KAT6B: variants seen among roughly 807,000 people sequenced by gnomAD.
The protein encoded by KAT6B is lysine acetyltransferase 6B.
In KAT6B, 10 loss-of-function variants were observed where a neutral mutation model predicts 187.5. The observed-to-expected ratio is 0.05, with a 90% confidence interval of 0.03 to 0.09. KAT6B has a LOEUF of 0.09. Among genes scored for constraint, KAT6B ranks in the 10% least tolerant of loss-of-function variants. The pLI is 1.00. For missense variants in KAT6B, 1,952 were observed against 2,558.9 expected (o/e 0.76, Z 5.12); for synonymous variants, 861 against 926.8 (o/e 0.93, Z 1.29).
chr10:74,949,090 T>A (rs1219405097), intron 3 of KAT6B, among the ~76,000 whole-genome samples: 4 of 152,228 alleles, frequency 2.6e-5, no homozygotes, highest in Admixed American at 2.6e-4. Context: ...GACACTTGAA[T>A]GTAAGTTGAT....
intron 3 of KAT6B, among the ~76,000 whole-genome samples, chr10:74,953,389 A>C (rs1389377375): frequency 6.6e-6 from 1 of 152,214 alleles, no homozygotes; most frequent in African/African-American, 2.4e-5. Flanking sequence ...AGAACTTTGT[A>C]GTTTACAAAA....
Position 74,953,643 on chromosome 10 carries a change from A to G in KAT6B, c.622-6327A>G, listed in dbSNP as rs563610482. Among the ~76,000 whole-genome samples the G allele has an allele frequency of 1.6e-4, 24 of 152,318 alleles. No individual in the cohort carries two copies. The South Asian group carries it at 4.8e-3, about 30-fold the overall frequency. On this transcript the variant is annotated intron_variant, in intron 3 of 17. Transcript: ENST00000287239. ...GTCTCATGAAAGATGTAGATGACTT[A>G]AGAAGTATGGATCTATAGGGGATTA...
At chr10:74,949,380 C>T (rs1451973414) in intron 3 of KAT6B, among the ~76,000 whole-genome samples, 5 of 152,084 alleles carry the variant, frequency 3.3e-5, no homozygotes, top group Admixed American at 6.5e-5. Flanking sequence ...CCCAGCCCCG[C>T]GCCCCACCCC....
At chr10:74,927,690 A>G (rs781278238) in intron 3 of KAT6B, among the ~76,000 whole-genome samples, 1 of 151,906 alleles carries the variant, frequency 6.6e-6, no homozygotes, top group South Asian at 2.1e-4. Context: ...CTTGGAATGG[A>G]TGGTGTATTT....
intron 13 of KAT6B, among the ~76,000 whole-genome samples, chr10:74,995,992 C>T (rs764569284): frequency 2.0e-5 from 3 of 152,100 alleles, no homozygotes; most frequent in Non-Finnish European, 4.4e-5. Flanking sequence ...CAGGAGAGAC[C>T]GAGGGAACAC....
intron 3 of KAT6B, among the ~76,000 whole-genome samples, chr10:74,846,517 C>A (rs1191191257): frequency 6.6e-6 from 1 of 152,138 alleles, no homozygotes; most frequent in African/African-American, 2.4e-5. Context: ...TGGCTCACTG[C>A]AGCCTCTGCC....
chr10:74,867,169 TG>T (rs1843611982), intron 3 of KAT6B, among the ~76,000 whole-genome samples: 6 of 152,178 alleles, frequency 3.9e-5, no homozygotes, highest in Admixed American at 3.3e-4. Flanking sequence ...AAATTATTAT[TG>T]GGGTATACTT....
chr10:74,886,305 C>T (rs1426915444), intron 3 of KAT6B, among the ~76,000 whole-genome samples: 2 of 152,168 alleles, frequency 1.3e-5, no homozygotes, highest in African/African-American at 4.8e-5. Context: ...GAGCAGGCCT[C>T]TCAGGCCATC....
chr10:74,960,174 G>A (rs1840999528), intron 4 of KAT6B, 96 bp downstream of exon 4: 4 of 868,674 alleles, frequency 4.6e-6, no homozygotes, highest in East Asian at 2.4e-5. Context: ...GTTATTTAAG[G>A]CAGTTATATG....
intron 16 of KAT6B, among the ~76,000 whole-genome samples, chr10:75,022,602 T>C (rs555751937): frequency 6.6e-6 from 1 of 152,206 alleles, no homozygotes; most frequent in South Asian, 2.1e-4. Context: ...ATATGACTCA[T>C]TAGAGATGGA....
At position 74,994,861 on chromosome 10, in the gene KAT6B, C is replaced by T. The variant is rs1183862123; in HGVS notation, c.2629+5749C>T. Among the ~76,000 whole-genome samples, 5 of 151,686 alleles carry T rather than the reference C, an allele frequency of 3.3e-5. No individual in the cohort carries two copies. In the East Asian group the frequency reaches 7.7e-4, roughly 23 times the overall value. On this transcript the variant is annotated intron_variant, in intron 13 of 17. Transcript: ENST00000287239. The stretch of plus-strand genomic sequence containing the variant: ...TCTGATCACTTAAATGTGCCCATTG[C>T]TGCTTGGGTGTCACTGCTTCTAGCC...
intron 1 of KAT6B, among the ~76,000 whole-genome samples, chr10:74,830,890 C>T (rs190032513): frequency 0.01 from 1,460 of 141,718 alleles, 34 homozygotes; most frequent in African/African-American, 0.035. Context: ...TGGGTTCAAG[C>T]GATTCTCCTG....
chr10:74,943,487 T>G (rs561014383), intron 3 of KAT6B, among the ~76,000 whole-genome samples: 34 of 152,234 alleles, frequency 2.2e-4, no homozygotes, highest in South Asian at 6.2e-4. Flanking sequence ...TGACAAAGGA[T>G]TTGAAATAGT....
intron 13 of KAT6B, among the ~76,000 whole-genome samples, chr10:74,994,025 A>G (rs771749361): frequency 4.6e-5 from 7 of 152,170 alleles, no homozygotes; most frequent in South Asian, 2.1e-4. Context: ...GATTATATAA[A>G]TATCAATTCT....
chr10:74,854,402 A>G (rs770549221), intron 3 of KAT6B, among the ~76,000 whole-genome samples: 1 of 152,122 alleles, frequency 6.6e-6, no homozygotes, highest in Non-Finnish European at 1.5e-5. Flanking sequence ...TGCAAACTAC[A>G]TATTCTTTTT....
intron 3 of KAT6B, among the ~76,000 whole-genome samples, chr10:74,916,716 G>A (rs899745843): frequency 6.6e-6 from 1 of 152,122 alleles, no homozygotes; most frequent in Non-Finnish European, 1.5e-5. Context: ...TTCATTCTTG[G>A]TTAAAAAAAT....
In KAT6B at chr10:74,966,028, T is replaced by C. The variant is rs139176239; in HGVS notation, c.731-3632T>C. Among the ~76,000 whole-genome samples, 826 of 152,138 alleles carry C rather than the reference T, an allele frequency of 5.4e-3. 1 individual carries two copies. The highest frequency in any genetic ancestry group is 0.01 in the Admixed American group (160 of 15,274). On this transcript the variant is annotated intron_variant, in intron 4 of 17. Coordinates refer to ENST00000287239, the MANE Select transcript of KAT6B (RefSeq NM_012330.4). ...GGGAAGGAGAGGATCCATGTTCTTA[T>C]CCATCTGGGTTATTGGCAGAATTCA...
intron 3 of KAT6B, among the ~76,000 whole-genome samples, chr10:74,903,695 A>G (rs1478297869): frequency 6.6e-6 from 1 of 152,184 alleles, no homozygotes; most frequent in Non-Finnish European, 1.5e-5. Flanking sequence ...GCTGAGCCTG[A>G]CTGGATTTCT....
chr10:74,997,338 A>G (rs1441601163), intron 13 of KAT6B, among the ~76,000 whole-genome samples: 1 of 151,738 alleles, frequency 6.6e-6, no homozygotes, highest in East Asian at 1.9e-4. Flanking sequence ...GGTGGCCACG[A>G]CATTGCTGAC....
Sources: allele counts gnomAD v4.1 joint callset (sites outside exome capture counted in the v4.1 genomes callset), GRCh38; gene constraint gnomAD v4.1.1; transcripts MANE v1.5; gene names NCBI Gene and HGNC (gene_info 2026-07-23, HGNC 2026-07-21).